Variants in WNT7B observed in about 807,000 individuals in gnomAD.
WNT7B encodes Wnt family member 7B.
WNT7B carries 19 observed loss-of-function variants against 38.2 expected under a neutral mutation model. The ratio of observed to expected loss-of-function variants is 0.50; its 90% CI spans 0.35 to 0.73. The LOEUF is 0.73. Among genes scored for constraint, WNT7B ranks in the 30% least tolerant of loss-of-function variants. The probability of loss-of-function intolerance (pLI) is 0.01; values close to 1 mark genes in which losing one functional copy is unlikely to be tolerated. For missense variants in WNT7B, 423 were observed against 507.9 expected, an observed-to-expected ratio of 0.83 and a Z score of 1.61; for synonymous variants, 243 against 209.3, an observed-to-expected ratio of 1.16 and a Z score of -1.39.
intron 2 of WNT7B, among the ~76,000 whole-genome samples, chr22:45,946,011 G>A (rs1322690855): frequency 1.1e-4 from 16 of 152,220 alleles, no homozygotes; most frequent in Non-Finnish European, 5.9e-5. Context: ...GGGCCCAAGA[G>A]CACGCAGTCG....
At chr22:45,954,526 G>A (rs1569121023) in intron 1 of WNT7B, among the ~76,000 whole-genome samples, 3 of 152,198 alleles carry the variant, frequency 2.0e-5, no homozygotes, top group Non-Finnish European at 2.9e-5. Flanking sequence ...CCCAGCCGAC[G>A]CCCTGCTTGC....
chr22:45,940,224 C>A (rs999346595), intron 2 of WNT7B, among the ~76,000 whole-genome samples: 1 of 152,140 alleles, frequency 6.6e-6, no homozygotes, highest in Non-Finnish European at 1.5e-5. Context: ...TCTGAGGCCC[C>A]ATGGGTATGA....
chr22:45,968,393 C>G (rs1302165859), intron 1 of WNT7B, among the ~76,000 whole-genome samples: 2 of 152,070 alleles, frequency 1.3e-5, no homozygotes, highest in Non-Finnish European at 2.9e-5. Flanking sequence ...CACAGCCACC[C>G]GGTGAGGTTT....
intron 2 of WNT7B, among the ~76,000 whole-genome samples, chr22:45,932,879 G>A (rs117682773): frequency 0.037 from 5,675 of 152,318 alleles, 153 homozygotes; most frequent in Non-Finnish European, 0.057. Flanking sequence ...GCGAGCACCT[G>A]CACAGCCCTC....
intron 3 of WNT7B, 121 bp downstream of exon 3, chr22:45,930,977 C>T (rs1235711506): frequency 2.2e-6 from 3 of 1,368,096 alleles, no homozygotes; most frequent in African/African-American, 2.9e-5. Flanking sequence ...ACGGCCCCAC[C>T]CCCTGCACAC....
At chr22:45,947,961 G>A (rs1249387193) in intron 2 of WNT7B, among the ~76,000 whole-genome samples, 1 of 152,174 alleles carries the variant, frequency 6.6e-6, no homozygotes, top group Non-Finnish European at 1.5e-5. Flanking sequence ...CCACAGTGAT[G>A]CCCAGGGTGG....
chr22:45,929,939 T>TACATCTACCC (rs113204215), intron 3 of WNT7B, among the ~76,000 whole-genome samples: 1 of 94,864 alleles, frequency 1.1e-5, no homozygotes, highest in Admixed American at 1.0e-4. Context: ...CACCCACTCA[T>TACATCTACCC]CCTTCCATCC....
chr22:45,954,765 G>A lies in WNT7B; in HGVS notation c.72-4619C>T, dbSNP rs536339798. ...TCCCTTACTAAGTGGGGGTGTTTGT[G>A]TTCCCACTAAAAATACCAAGTGCTC... is the stretch of plus-strand genomic sequence containing the variant. On this transcript the variant is annotated intron_variant, in intron 1 of 3. Coordinates refer to ENST00000339464, the MANE Select transcript of WNT7B (RefSeq NM_058238.3). 9 of 985,392 alleles carry A rather than the reference G, an allele frequency of 9.1e-6. No individual in the cohort carries two copies. In the South Asian group the frequency reaches 4.2e-4, roughly 46 times the overall value. 61.0% of individuals were successfully genotyped at this position (985,392 alleles called of 1,614,324 possible). A position where few individuals can be genotyped will look rare whatever the true frequency, so the allele number is the denominator to read the frequency against.
rs367649452 is a variant in WNT7B at position 45,926,846 on chromosome 22, G to A, written c.571-3511C>T. ...ACTGGCCGAGAAGGAGAGTGTGGAG[G>A]GTGTGCCCCTCCCAGGATCCGGCGC... On this transcript the variant is annotated intron_variant, in intron 3 of 3. Transcript: ENST00000339464. 16 of 985,388 alleles carry A rather than the reference G, an allele frequency of 1.6e-5. No individual in the cohort carries two copies. In the East Asian group the frequency reaches 5.7e-4, roughly 35 times the overall value. 61.0% of individuals were successfully genotyped at this position (985,388 alleles called of 1,614,324 possible). A position where few individuals can be genotyped will look rare whatever the true frequency, so the allele number is the denominator to read the frequency against.
In WNT7B at chr22:45,922,557, A is replaced by C; in HGVS notation, c.*299T>G. 2.4e-6 allele frequency: 1 copy of C among 417,704 alleles called. No homozygotes were observed. The highest frequency in any genetic ancestry group is 4.0e-5 in the South Asian group (1 of 25,194). The allele number at this position is 417,704 out of a possible 1,614,324, so 25.9% of individuals were successfully genotyped here. ...GTCCTGGACGTTCATTTTCCCAGAG[A>C]GAAGAAAGAGAACTTGCCGGGCCCC... On this transcript the variant is annotated 3_prime_UTR_variant, in exon 4 of 4. Coordinates refer to ENST00000339464, the MANE Select transcript of WNT7B (RefSeq NM_058238.3).
rs905299966 is a variant in WNT7B, at chr22:45,977,118, G to T, written c.-364C>A. ...GGCCGTGAGCGCCTCGCCGAGCGCC[G>T]CGGCGGCCAATGTGTCCGCACTTGT... On this transcript the variant is annotated 5_prime_UTR_variant, in exon 1 of 4. Transcript: ENST00000339464. The T allele has an allele frequency of 5.5e-6, 4 of 731,026 alleles. No homozygotes were observed. The highest frequency in any genetic ancestry group is 6.7e-6 in the Non-Finnish European group (4 of 597,634). The allele number at this position is 731,026 out of a possible 1,614,324, so 45.3% of individuals were successfully genotyped here. A position where few individuals can be genotyped will look rare whatever the true frequency, so the allele number is the denominator to read the frequency against.
At chr22:45,936,388 A>T (rs1472105542) in intron 2 of WNT7B, among the ~76,000 whole-genome samples, 1 of 152,188 alleles carries the variant, frequency 6.6e-6, no homozygotes, top group East Asian at 1.9e-4. Flanking sequence ...TCCAGGACAG[A>T]CCGAGGTGTC....
intron 3 of WNT7B, among the ~76,000 whole-genome samples, chr22:45,924,114 T>C (rs1370637319): frequency 1.3e-5 from 2 of 152,182 alleles, no homozygotes; most frequent in Non-Finnish European, 2.9e-5. Context: ...CCGGGCCTGA[T>C]TGAAGATGGG....
intron 3 of WNT7B, chr22:45,925,412 G>T: frequency 1.0e-6 from 1 of 985,374 alleles, no homozygotes; most frequent in Non-Finnish European, 1.2e-6. Context: ...TCCCTCCCAG[G>T]ATGGCAGAGG....
chr22:45,929,877 C>T (rs1218001327), intron 3 of WNT7B, among the ~76,000 whole-genome samples: 1 of 149,294 alleles, frequency 6.7e-6, no homozygotes, highest in African/African-American at 2.5e-5. Flanking sequence ...TCCATCCAAC[C>T]ATCTACCCAC....
intron 3 of WNT7B, among the ~76,000 whole-genome samples, chr22:45,928,209 C>G (rs1015677818): frequency 7.9e-5 from 12 of 152,058 alleles, no homozygotes; most frequent in African/African-American, 2.9e-4. Context: ...CCTGAGGAAG[C>G]TGGGGGGCAG....
chr22:45,927,099 C>A (rs1456228119), intron 3 of WNT7B: 1 of 985,358 alleles, frequency 1.0e-6, no homozygotes, highest in Non-Finnish European at 1.2e-6. Flanking sequence ...GATGGACAAT[C>A]TCTTGCCTTC....
intron 3 of WNT7B, among the ~76,000 whole-genome samples, chr22:45,929,367 TTCACCCATCCACCCAC>T (rs924137964): frequency 5.3e-5 from 8 of 151,190 alleles, no homozygotes; most frequent in East Asian, 1.9e-4. Context: ...CATCCATCTA[TTCACCCATCCACCCAC>T]TCACCCATCC....
At chr22:45,969,643 T>TCCA (rs1469943213) in intron 1 of WNT7B, among the ~76,000 whole-genome samples, 3 of 152,194 alleles carry the variant, frequency 2.0e-5, no homozygotes, top group Non-Finnish European at 4.4e-5. Flanking sequence ...AACACACCCG[T>TCCA]CCAACCTGAT....
Sources: gnomAD v4.1 joint callset for allele counts (sites outside exome capture counted in the v4.1 genomes callset) on GRCh38, gnomAD v4.1.1 for gene constraint, MANE v1.5 for transcripts, NCBI Gene and HGNC (gene_info 2026-07-23, HGNC 2026-07-21) for gene names.